ZFAND3: variants seen among roughly 807,000 people sequenced by gnomAD.
ZFAND3 encodes zinc finger AN1-type containing 3.
In ZFAND3, 10 loss-of-function variants were observed where a neutral mutation model predicts 29.6. The observed-to-expected ratio is 0.34, with a 90% CI of 0.21 to 0.57. The LOEUF (loss-of-function observed/expected upper bound fraction) is 0.57. Among genes scored for constraint, ZFAND3 ranks in the 20% least tolerant of loss-of-function variants. The pLI is 0.86. For missense variants in ZFAND3, 230 were observed against 304.5 expected, an observed-to-expected ratio of 0.76 and a Z score of 1.82; for synonymous variants, 128 against 112.6, an observed-to-expected ratio of 1.14 and a Z score of -0.87.
At chr6:37,865,394 A>T (rs1307914687) in intron 1 of ZFAND3, among the ~76,000 whole-genome samples, 1 of 152,184 alleles carries the variant, frequency 6.6e-6, no homozygotes, top group Non-Finnish European at 1.5e-5. Context: ...TTTTCAATCT[A>T]CAGTTGGTTG....
Position 38,154,287 on chromosome 6 carries a change from C to T in ZFAND3, c.*1898C>T. 1 of 985,340 alleles carries T rather than the reference C, an allele frequency of 1.0e-6. No individual in the cohort carries two copies. The highest frequency in any genetic ancestry group is 1.2e-6 in the Non-Finnish European group (1 of 829,958). 61.0% of individuals were successfully genotyped at this position (985,340 alleles called of 1,614,324 possible). On this transcript the variant is annotated 3_prime_UTR_variant, in exon 6 of 6. Coordinates refer to ENST00000287218, the MANE Select transcript of ZFAND3 (RefSeq NM_021943.3). Reference sequence around the variant, plus strand: ...CCAGGGCCCCCCGCCCCCTCCTCTGCCTGCTGCGTGGAGGCAGCCATGGGA... The same window carrying T: ...CCAGGGCCCCCCGCCCCCTCCTCTGTCTGCTGCGTGGAGGCAGCCATGGGA...
chr6:37,859,862 G>GTTTTTTTTTTTTTTTTTTTTTTTTTTTT, intron 1 of ZFAND3, among the ~76,000 whole-genome samples: 1 of 133,310 alleles, frequency 7.5e-6, no homozygotes, highest in Non-Finnish European at 1.6e-5. Flanking sequence ...GCTGGAGTGG[G>GTTTTTTTTTTTTTTTTTTTTTTTTTTTT]TTTTTTTTTT....
At chr6:37,833,412 T>G (rs968237492) in intron 1 of ZFAND3, among the ~76,000 whole-genome samples, 1 of 152,180 alleles carries the variant, frequency 6.6e-6, no homozygotes, top group African/African-American at 2.4e-5. Context: ...CTATCCCAAC[T>G]TGTACCATCA....
chr6:37,829,232 T>TA (rs57037823), intron 1 of ZFAND3, among the ~76,000 whole-genome samples: 14,759 of 144,598 alleles, frequency 0.1, 790 homozygotes, highest in African/African-American at 0.14. Context: ...TTTGTTGCTT[T>TA]AAAAAAAAAA....
chr6:37,958,351 G>A (rs1333668351), intron 2 of ZFAND3, among the ~76,000 whole-genome samples: 1 of 150,442 alleles, frequency 6.6e-6, no homozygotes, highest in African/African-American at 2.4e-5. Context: ...CTCCTCGGGA[G>A]GCTGAGGCAG....
rs1051994338 is a variant in ZFAND3, at chr6:37,828,463, C to T, written c.71+8447C>T. ...CAAAATCGTCTCCTGAAAAGATTTA[C>T]GATGAGACACATAAAGTACATTGAG... On this transcript the variant is annotated intron_variant, in intron 1 of 5. Transcript: ENST00000287218. Among the ~76,000 whole-genome samples the T allele has an allele frequency of 7.9e-5, 12 of 152,142 alleles. 1 individual carries two copies. The South Asian group carries it at 1.2e-3, about 16-fold the overall frequency.
chr6:37,953,824 C>A (rs959603989), intron 2 of ZFAND3, among the ~76,000 whole-genome samples: 1 of 152,110 alleles, frequency 6.6e-6, no homozygotes, highest in Non-Finnish European at 1.5e-5. Flanking sequence ...ATAACCGTTT[C>A]TGCTGCTCTT....
intron 1 of ZFAND3, among the ~76,000 whole-genome samples, chr6:37,837,725 C>T (rs745520080): frequency 1.3e-5 from 2 of 152,054 alleles, no homozygotes; most frequent in East Asian, 1.9e-4. Context: ...AGGCTGGTCT[C>T]GAACTCCCGA....
Position 38,144,181 on chromosome 6 carries a change from TATA to T in ZFAND3, c.530-8050_530-8048del, listed in dbSNP as rs1436303513. On this transcript the variant is annotated intron_variant, in intron 5 of 5. Coordinates refer to ENST00000287218, the MANE Select transcript of ZFAND3 (RefSeq NM_021943.3). ...TTGCTAGAAAAATGTGATATATATA[TATA>T]ATATATATATATATATATATATATA... Among the ~76,000 whole-genome samples, 172 of 36,682 alleles carry T rather than the reference TATA, an allele frequency of 4.7e-3. 3 individuals are homozygous for T. Among genetic ancestry groups the T allele is most frequent in the African/African-American group, 0.042 (158 of 3,772 alleles). The allele number at this position is 36,682 out of a possible 152,430, so 24.1% of individuals were successfully genotyped here.
intron 1 of ZFAND3, among the ~76,000 whole-genome samples, chr6:37,870,111 C>T (rs967101199): frequency 6.6e-6 from 1 of 151,738 alleles, no homozygotes; most frequent in African/African-American, 2.4e-5. Flanking sequence ...TTTCTGATTT[C>T]ATTTGTGATT....
intron 4 of ZFAND3, among the ~76,000 whole-genome samples, chr6:38,104,445 G>T (rs763777224): frequency 2.0e-5 from 3 of 150,608 alleles, no homozygotes; most frequent in Non-Finnish European, 4.4e-5. Context: ...CTAATGGGGA[G>T]AAGTTTTTTT....
chr6:38,102,903 C>T lies in ZFAND3; in HGVS notation c.362-13669C>T, dbSNP rs1158071057. Among the ~76,000 whole-genome samples, 5 of 152,052 alleles carry T rather than the reference C, an allele frequency of 3.3e-5. No individual in the cohort carries two copies. The East Asian group carries it at 5.8e-4, about 18-fold the overall frequency. On this transcript the variant is annotated intron_variant, in intron 4 of 5. Coordinates refer to ENST00000287218, the MANE Select transcript of ZFAND3 (RefSeq NM_021943.3). Reference sequence around the variant, plus strand: ...TCTGGAGTAGCTGGGACTACAGGCGCGTGCCACCATGTCCAACTAATTTTT... The same window carrying T: ...TCTGGAGTAGCTGGGACTACAGGCGTGTGCCACCATGTCCAACTAATTTTT...
chr6:37,885,259 C>T (rs934269658), intron 1 of ZFAND3, among the ~76,000 whole-genome samples: 2 of 152,146 alleles, frequency 1.3e-5, no homozygotes, highest in Admixed American at 6.5e-5. Flanking sequence ...CTATAAAGAG[C>T]AATGAAAAGA....
intron 3 of ZFAND3, among the ~76,000 whole-genome samples, chr6:38,064,151 T>G (rs770067283): frequency 2.4e-4 from 37 of 152,222 alleles, no homozygotes; most frequent in Non-Finnish European, 4.7e-4. Context: ...GCCCTTGGGT[T>G]AAGAACTCCT....
chr6:38,065,324 AAAAG>A (rs966216365), intron 3 of ZFAND3, among the ~76,000 whole-genome samples: 15 of 152,094 alleles, frequency 9.9e-5, no homozygotes, highest in African/African-American at 1.7e-4. Context: ...ACAAAAAAAA[AAAAG>A]AAAGAAAAGA....
chr6:38,042,468 C>A (rs1381848584), intron 2 of ZFAND3, among the ~76,000 whole-genome samples: 1 of 152,056 alleles, frequency 6.6e-6, no homozygotes, highest in Non-Finnish European at 1.5e-5. Flanking sequence ...CGCCCACCAC[C>A]ATGCCTAGCT....
chr6:37,855,534 T>G (rs1438951677), intron 1 of ZFAND3, among the ~76,000 whole-genome samples: 1 of 152,150 alleles, frequency 6.6e-6, no homozygotes, highest in Non-Finnish European at 1.5e-5. Context: ...GAACCCCATA[T>G]TCTTTGACAG....
At position 37,987,940 on chromosome 6, in the gene ZFAND3, C is replaced by G. The variant is rs138812019; in HGVS notation, c.112+57941C>G. 4.0e-4 allele frequency among the ~76,000 whole-genome samples: 61 copies of G among 152,054 alleles called. 1 individual carries two copies. Among genetic ancestry groups the G allele is most frequent in the Non-Finnish European group, 2.8e-4 (19 of 68,014 alleles). Reference sequence around the variant, plus strand: ...TCTTTTGAATAGATTTAGTATTTTCCGGGAATAAATTCTGAGTTTCTCAGG... The same window carrying G: ...TCTTTTGAATAGATTTAGTATTTTCGGGGAATAAATTCTGAGTTTCTCAGG... On this transcript the variant is annotated intron_variant, in intron 2 of 5. Coordinates refer to ENST00000287218, the MANE Select transcript of ZFAND3 (RefSeq NM_021943.3).
chr6:37,848,372 C>T (rs1328577294), intron 1 of ZFAND3, among the ~76,000 whole-genome samples: 1 of 152,238 alleles, frequency 6.6e-6, no homozygotes, highest in African/African-American at 2.4e-5. Context: ...CTGTAGGTGC[C>T]TGTCAGGCAG....
Sources: allele counts gnomAD v4.1 joint callset (sites outside exome capture counted in the v4.1 genomes callset), GRCh38; gene constraint gnomAD v4.1.1; transcripts MANE v1.5; gene names NCBI Gene and HGNC (gene_info 2026-07-23, HGNC 2026-07-21).